Variants in AFP observed in about 807,000 individuals in gnomAD.
AFP encodes alpha fetoprotein.
Under a neutral mutation model 78.9 loss-of-function variants are expected in AFP, and 64 were observed. The ratio of observed to expected loss-of-function variants is 0.81; its 90% CI spans 0.66 to 1.00. The LOEUF (loss-of-function observed/expected upper bound fraction) is 1.00, where lower values mean the gene tolerates loss of function less well. Ranked by LOEUF, AFP falls within the 50% of genes least tolerant of loss-of-function variation. The pLI is 0.00. For missense variants in AFP, 689 were observed against 703.8 expected (o/e 0.98, Z 0.24); for synonymous variants, 254 against 243.8 (o/e 1.04, Z -0.39).
At chr4:73,440,869 C>T in intron 4 of AFP, 56 bp downstream of exon 4, 2 of 1,503,848 alleles carry the variant, frequency 1.3e-6, no homozygotes, top group Non-Finnish European at 1.8e-6. Context: ...AATGGCAAGC[C>T]TAATTTAGTA....
In AFP at chr4:73,440,628, C is replaced by A. The variant is rs746641875; in HGVS notation, c.297C>A (p.Cys99Ter). 6.2e-7 allele frequency: 1 copy of A among 1,614,036 alleles called. No homozygotes were observed. Among genetic ancestry groups the A allele is most frequent in the East Asian group, 2.2e-5 (1 of 44,876 alleles). ...TACCTGCCTTTCTGGAAGAACTTTGCCATGAGAAAGAAATTTTGGAGAAGT... is the reference window on the plus strand; with the variant it reads ...TACCTGCCTTTCTGGAAGAACTTTGACATGAGAAAGAAATTTTGGAGAAGT... ...NQLPAFLEEL[C>*]HEKEILEKYG... The change falls in exon 4 of 15, where the codon TGC becomes TGA. Residue 99 changes from cysteine to a stop codon, truncating the protein, a stop_gained. Transcript: ENST00000395792. LOFTEE classifies it high-confidence loss of function.
intron 7 of AFP, 67 bp from the exon 8 acceptor site, chr4:73,447,395 G>T (rs1192416757): frequency 5.3e-6 from 6 of 1,130,078 alleles, no homozygotes; most frequent in Non-Finnish European, 7.2e-6. Context: ...TTTTTCTAAA[G>T]CTGGCTTTGA....
chr4:73,444,228 A>T (rs1258561072), intron 6 of AFP, among the ~76,000 whole-genome samples: 1 of 152,156 alleles, frequency 6.6e-6, no homozygotes, highest in Non-Finnish European at 1.5e-5. Context: ...TCAATTAGAA[A>T]TTGAAAGATT....
chr4:73,454,455 G>T (rs1436003572), intron 13 of AFP, among the ~76,000 whole-genome samples: 1 of 151,968 alleles, frequency 6.6e-6, no homozygotes, highest in Non-Finnish European at 1.5e-5. Context: ...CTTTATTGAG[G>T]CATGATTGAC....
At chr4:73,438,919 G>T (rs1055630509) in intron 3 of AFP, among the ~76,000 whole-genome samples, 1 of 152,108 alleles carries the variant, frequency 6.6e-6, no homozygotes, top group Non-Finnish European at 1.5e-5. Context: ...GAGGCTCAGA[G>T]AATTTAAGTA....
At chr4:73,445,786 T>A (rs536476226) in intron 7 of AFP, among the ~76,000 whole-genome samples, 1 of 152,258 alleles carries the variant, frequency 6.6e-6, no homozygotes, top group Non-Finnish European at 1.5e-5. Flanking sequence ...AAACAAAATT[T>A]AAAAAACCCA....
chr4:73,445,412 G>A (rs763325974), intron 7 of AFP, among the ~76,000 whole-genome samples: 6 of 152,030 alleles, frequency 3.9e-5, no homozygotes, highest in African/African-American at 9.7e-5. Context: ...CTTGGAGGAC[G>A]GGAGGAAACT....
intron 4 of AFP, 44 bp downstream of exon 4, chr4:73,440,857 G>T: frequency 6.5e-7 from 1 of 1,540,824 alleles, no homozygotes; most frequent in South Asian, 1.2e-5. Context: ...CAGAAACACA[G>T]CAATGGCAAG....
intron 13 of AFP, among the ~76,000 whole-genome samples, chr4:73,454,652 A>G (rs539212523): frequency 7.9e-5 from 12 of 152,234 alleles, no homozygotes; most frequent in Admixed American, 2.0e-4. Context: ...GTTTTTGTCA[A>G]TTTTACCTTT....
chr4:73,449,374 T>C lies in AFP; in HGVS notation c.1098T>C (p.Ala366=), dbSNP rs771280920. 3 of 1,613,486 alleles carry C rather than the reference T, an allele frequency of 1.9e-6. No individual in the cohort carries two copies. Among genetic ancestry groups the C allele is most frequent in the African/African-American group, 2.7e-5 (2 of 75,042 alleles). Residue 366 remains alanine, a synonymous_variant, in exon 9 of 15, where the codon GCT becomes GCC. Coordinates refer to ENST00000395792, the MANE Select transcript of AFP (RefSeq NM_001134.3). The stretch of plus-strand genomic sequence containing the variant: ...ATTCAAGAAGACATCCTCAGCTTGC[T>C]GTCTCAGTAATTCTAAGAGTTGCTA... ...HEYSRRHPQL[A]VSVILRVAKG...
rs1354376738 is a variant in AFP at position 73,453,750 on chromosome 4, T to C, written c.1653-15T>C. ...AACAGACTTCTCTTGTATTTTGTTT[T>C]GTTTTAAATCACAGGTTTCTCATTA... On this transcript the variant is annotated splice_polypyrimidine_tract_variant and intron_variant, in intron 12 of 14. Coordinates refer to ENST00000395792, the MANE Select transcript of AFP (RefSeq NM_001134.3). 6.2e-7 allele frequency: 1 copy of C among 1,612,628 alleles called. No homozygotes were observed. Among genetic ancestry groups the C allele is most frequent in the African/African-American group, 1.3e-5 (1 of 74,866 alleles).
At chr4:73,446,311 CGTT>C (rs756223811) in intron 7 of AFP, among the ~76,000 whole-genome samples, 7 of 152,224 alleles carry the variant, frequency 4.6e-5, no homozygotes, top group South Asian at 2.1e-4. Context: ...TACTGTTTCT[CGTT>C]GTCATTTTTA....
chr4:73,442,489 CA>C, intron 5 of AFP, 61 bp downstream of exon 5: 2 of 1,589,920 alleles, frequency 1.3e-6, no homozygotes, highest in South Asian at 1.1e-5. Context: ...TAAAACAAAA[CA>C]AAGTTAAAAA....
intron 3 of AFP, among the ~76,000 whole-genome samples, chr4:73,439,160 G>A (rs1719593023): frequency 6.6e-6 from 1 of 152,098 alleles, no homozygotes; most frequent in Admixed American, 6.6e-5. Flanking sequence ...ATATTTCATT[G>A]TAGAAGCTCA....
At position 73,452,643 on chromosome 4, in the gene AFP, C is replaced by T. The variant is rs755937530; in HGVS notation, c.1652+19C>T. The T allele has an allele frequency of 6.3e-7, 1 of 1,575,968 alleles. No individual in the cohort carries two copies. ...AGCAAGAGTAAGAAACTGTTACTTGCTAGCATGGAAAAGAATGACAACCCC... is the reference window on the plus strand; with the variant it reads ...AGCAAGAGTAAGAAACTGTTACTTGTTAGCATGGAAAAGAATGACAACCCC... On this transcript the variant is annotated intron_variant, in intron 12 of 14. Transcript: ENST00000395792.
At chr4:73,442,270 T>C in intron 4 of AFP, 26 bp from the exon 5 acceptor site, 1 of 1,606,826 alleles carries the variant, frequency 6.2e-7, no homozygotes, top group Non-Finnish European at 8.5e-7. Context: ...TGTTTATAAA[T>C]CTTCTAGCTC....
At chr4:73,441,550 AG>A (rs1360476931) in intron 4 of AFP, among the ~76,000 whole-genome samples, 1 of 130,294 alleles carries the variant, frequency 7.7e-6, no homozygotes, top group Admixed American at 8.6e-5. Context: ...CCGGGGCCAC[AG>A]AGCGAGACTC....
chr4:73,445,144 A>C (rs371069157), intron 7 of AFP, 22 bp downstream of exon 7: 27 of 1,613,060 alleles, frequency 1.7e-5, no homozygotes, highest in Non-Finnish European at 2.2e-5. Flanking sequence ...TGCTTCTTAA[A>C]ATAGAAGATT....
chr4:73,452,179 A>G (rs1387161887), intron 11 of AFP, among the ~76,000 whole-genome samples: 3 of 152,224 alleles, frequency 2.0e-5, no homozygotes, highest in African/African-American at 2.4e-5. Flanking sequence ...AACATCACAT[A>G]TGGACCATCT....
Sources: allele counts gnomAD v4.1 joint callset (sites outside exome capture counted in the v4.1 genomes callset), GRCh38; gene constraint gnomAD v4.1.1; transcripts MANE v1.5; gene names NCBI Gene and HGNC (gene_info 2026-07-23, HGNC 2026-07-21).